Variants in GALNT13 observed in about 807,000 individuals in gnomAD.
GALNT13 encodes the protein UDP-GalNAc:polypeptide N-acetylgalactosaminyltransferase 13.
In GALNT13, 28 loss-of-function variants were observed where a neutral mutation model predicts 64.2. The observed-to-expected ratio is 0.44, with a 90% CI of 0.32 to 0.60. The LOEUF is 0.60. GALNT13 is among the 20% of genes least tolerant of loss of function. The pLI is 0.05. For synonymous variants in GALNT13, 214 were observed against 224.6 expected, an observed-to-expected ratio of 0.95 and a Z score of 0.42; for missense variants, 577 against 669.8, an observed-to-expected ratio of 0.86 and a Z score of 1.53.
the GALNT13 span, among the ~76,000 whole-genome samples, chr2:153,633,576 A>C: frequency 6.6e-6 from 1 of 152,114 alleles, no homozygotes; most frequent in Non-Finnish European, 1.5e-5. Flanking sequence ...CTACTACAAT[A>C]TTTTTCACCA....
At chr2:154,436,457 A>G (rs1700978734) in intron 11 of GALNT13, 1 of 152,220 alleles carries the variant, frequency 6.6e-6, no homozygotes, top group South Asian at 2.1e-4. Context: ...TAAGGCTGAA[A>G]TGGATGTTAT....
chr2:153,212,637 A>G, the GALNT13 span, among the ~76,000 whole-genome samples: 1 of 152,162 alleles, frequency 6.6e-6, no homozygotes, highest in African/African-American at 2.4e-5. Flanking sequence ...AGAAAATGCT[A>G]TTTTTAAGTG....
intron 3 of GALNT13, among the ~76,000 whole-genome samples, chr2:153,954,361 C>G (rs897600888): frequency 6.6e-6 from 1 of 151,992 alleles, no homozygotes; most frequent in Non-Finnish European, 1.5e-5. Flanking sequence ...TATACCAACA[C>G]AATTGATTTG....
the GALNT13 span, among the ~76,000 whole-genome samples, chr2:153,549,966 C>T: frequency 3.3e-5 from 5 of 152,136 alleles, no homozygotes; most frequent in Non-Finnish European, 7.3e-5. Context: ...TTAATAAAAG[C>T]CTGACCTCTA....
At chr2:154,222,274 C>A (rs13393798) in intron 4 of GALNT13, among the ~76,000 whole-genome samples, 27,939 of 151,932 alleles carry the variant, frequency 0.18, 2,968 homozygotes, top group Middle Eastern at 0.32. Context: ...GTTATAATAT[C>A]TTCCACAATT....
chr2:154,439,470 C>A (rs980318648), intron 12 of GALNT13, among the ~76,000 whole-genome samples: 1 of 125,994 alleles, frequency 7.9e-6, no homozygotes, highest in Non-Finnish European at 1.7e-5. Context: ...TGTTACATTT[C>A]CCACATTATT....
At chr2:153,266,166 G>T in the GALNT13 span, among the ~76,000 whole-genome samples, 1 of 152,062 alleles carries the variant, frequency 6.6e-6, no homozygotes, top group Non-Finnish European at 1.5e-5. Flanking sequence ...TATTTCCAAG[G>T]TATGTTTGTA....
chr2:153,979,665 G>T (rs1694323896), intron 3 of GALNT13, among the ~76,000 whole-genome samples: 1 of 152,062 alleles, frequency 6.6e-6, no homozygotes, highest in African/African-American at 2.4e-5. Context: ...TAGAATCTTT[G>T]TATATAACAT....
chr2:153,893,001 T>G (rs776277795), intron 1 of GALNT13, among the ~76,000 whole-genome samples: 1 of 152,090 alleles, frequency 6.6e-6, no homozygotes, highest in Non-Finnish European at 1.5e-5. Context: ...GAAGTCTTGA[T>G]GTTGGTAGTC....
the GALNT13 span, among the ~76,000 whole-genome samples, chr2:153,467,302 C>T: frequency 6.6e-6 from 1 of 151,970 alleles, no homozygotes; most frequent in Non-Finnish European, 1.5e-5. Context: ...GAGCCATTTG[C>T]TACTAGCAGA....
the GALNT13 span, among the ~76,000 whole-genome samples, chr2:153,578,362 G>A: frequency 3.3e-5 from 5 of 152,120 alleles, no homozygotes; most frequent in African/African-American, 7.2e-5. Context: ...AACATATTTA[G>A]TAAAAAGCCA....
At chr2:154,434,426 A>T (rs1700847713) in intron 11 of GALNT13, among the ~76,000 whole-genome samples, 1 of 152,018 alleles carries the variant, frequency 6.6e-6, no homozygotes, top group Non-Finnish European at 1.5e-5. Context: ...CACCCTGCTA[A>T]TTTTTTGTAT....
the GALNT13 span, among the ~76,000 whole-genome samples, chr2:153,395,775 T>G: frequency 6.6e-6 from 1 of 152,078 alleles, no homozygotes; most frequent in African/African-American, 2.4e-5. Context: ...GTCAAGGGAT[T>G]AACAAGATCA....
At chr2:153,797,213 T>C in the GALNT13 span, among the ~76,000 whole-genome samples, 58 of 152,306 alleles carry the variant, frequency 3.8e-4, no homozygotes, top group Middle Eastern at 3.4e-3. Flanking sequence ...CAGAGGCTTT[T>C]TGAAATTCAG....
At chr2:153,143,749 A>G in the GALNT13 span, among the ~76,000 whole-genome samples, 4 of 152,064 alleles carry the variant, frequency 2.6e-5, no homozygotes, top group Non-Finnish European at 5.9e-5. Context: ...TATCATTTAG[A>G]AAGCCCAAAA....
At chr2:154,165,304 T>C (rs528902142) in intron 4 of GALNT13, among the ~76,000 whole-genome samples, 1 of 152,258 alleles carries the variant, frequency 6.6e-6, no homozygotes, top group East Asian at 1.9e-4. Context: ...GAAGGAACCA[T>C]CCTGTTTGTC....
intron 4 of GALNT13, among the ~76,000 whole-genome samples, 191 bp from the exon 5 acceptor site, chr2:154,241,839 T>C (rs978674697): frequency 1.3e-5 from 2 of 152,228 alleles, no homozygotes; most frequent in Non-Finnish European, 2.9e-5. Context: ...TAATTATGCA[T>C]ATTTAATTTT....
chr2:153,784,633 G>A, the GALNT13 span, among the ~76,000 whole-genome samples: 13,235 of 152,116 alleles, frequency 0.087, 632 homozygotes, highest in Middle Eastern at 0.14. Flanking sequence ...TTAAATACCC[G>A]GGCTTCCCAG....
the GALNT13 span, among the ~76,000 whole-genome samples, chr2:153,771,638 C>A: frequency 6.6e-6 from 1 of 152,106 alleles, no homozygotes; most frequent in African/African-American, 2.4e-5. Flanking sequence ...ACTGCTACAA[C>A]AAAGATTTTG....
Sources: gnomAD v4.1 joint callset for allele counts (sites outside exome capture counted in the v4.1 genomes callset) on GRCh38, gnomAD v4.1.1 for gene constraint, MANE v1.5 for transcripts, NCBI Gene and HGNC (gene_info 2026-07-23, HGNC 2026-07-21) for gene names.